ENTR1: variants seen among roughly 807,000 people sequenced by gnomAD.
ENTR1 encodes endosome-associated-trafficking regulator 1.
In ENTR1, 47 loss-of-function variants were observed where a neutral mutation model predicts 47.9. The ratio of observed to expected loss-of-function variants is 0.98; its 90% CI spans 0.78 to 1.25. The LOEUF (loss-of-function observed/expected upper bound fraction) is 1.25, where lower values mean the gene tolerates loss of function less well. Ranked by LOEUF, ENTR1 falls within the 50% of genes most tolerant of loss-of-function variation. The pLI, the probability that ENTR1 is intolerant of heterozygous loss-of-function variation, is 0.00. For synonymous variants in ENTR1, 290 were observed against 245.8 expected (o/e 1.18, Z -1.68); for missense variants, 668 against 570.5 (o/e 1.17, Z -1.74).
At chr9:136,406,134 G>A (rs1443915821) in intron 5 of ENTR1, among the ~76,000 whole-genome samples, 156 bp from the exon 6 acceptor site, 1 of 152,190 alleles carries the variant, frequency 6.6e-6, no homozygotes, top group Non-Finnish European at 1.5e-5. Context: ...CACAGACGGA[G>A]GCAGGCACTT....
rs531003378 is a variant in ENTR1, at chr9:136,406,905, G to A, written c.819+240C>T. 9.9e-5 allele frequency: 50 copies of A among 502,734 alleles called. No individual in the cohort carries two copies. The Admixed American group carries it at 1.8e-3, about 18-fold the overall frequency. The allele number at this position is 502,734 out of a possible 1,614,324, so 31.1% of individuals were successfully genotyped here. ...CTGCCTTTACTGAGGGTACAGCCCT[G>A]TAAGTGCCCAACTGCATCCAATTCA... is the stretch of plus-strand genomic sequence containing the variant. On this transcript the variant is annotated intron_variant, in intron 5 of 9. Transcript: ENST00000357365.
In ENTR1 at chr9:136,410,489, C is replaced by G; in HGVS notation, c.-92G>C. The G allele has an allele frequency of 1.1e-6, 1 of 947,282 alleles. No individual in the cohort carries two copies. The highest frequency in any genetic ancestry group is 4.8e-4 in the Middle Eastern group (1 of 2,064). The allele number at this position is 947,282 out of a possible 1,614,324, so 58.7% of individuals were successfully genotyped here. A position where few individuals can be genotyped will look rare whatever the true frequency, so the allele number is the denominator to read the frequency against. On this transcript the variant is annotated 5_prime_UTR_variant, in exon 1 of 10. Coordinates refer to ENST00000357365, the MANE Select transcript of ENTR1 (RefSeq NM_001039707.2). The stretch of plus-strand genomic sequence containing the variant: ...CCCGTGCCGCGGCCCGCGTCGCCCG[C>G]CCCCGTCGCCCGCCCCCGTCGCCCG...
chr9:136,404,874 C>T, intron 7 of ENTR1, 181 bp from the exon 8 acceptor site: 1 of 684,412 alleles, frequency 1.5e-6, no homozygotes, highest in Non-Finnish European at 2.5e-6. Flanking sequence ...GCTCATCGTG[C>T]AGTGTCTGTG....
At position 136,407,905 on chromosome 9, in the gene ENTR1, G is replaced by A. The variant is rs777890644; in HGVS notation, c.323C>T (p.Pro108Leu). ...CTTCAGAAACTCTCTAAAAGAGAAT[G>A]GATTTGCCTCTTCCAGATCTTCAAA... Reference protein sequence around the residue: ...DRFEDLEEANPFSFREFLKTK... With the variant: ...DRFEDLEEANLFSFREFLKTK... Residue 108 changes from proline to leucine, a missense_variant, in exon 4 of 10, where the codon CCA becomes CTA. Physicochemically the swap from Pro to Leu is moderately conservative, Grantham distance 98. Coordinates refer to ENST00000357365, the MANE Select transcript of ENTR1 (RefSeq NM_001039707.2). 41 of 1,611,984 alleles carry A rather than the reference G, an allele frequency of 2.5e-5. No individual in the cohort carries two copies. Among genetic ancestry groups the A allele is most frequent in the Non-Finnish European group, 3.1e-5 (37 of 1,178,242 alleles).
At chr9:136,403,163 T>C (rs929718157) in intron 9 of ENTR1, among the ~76,000 whole-genome samples, 1 of 4,430 alleles carries the variant, frequency 2.3e-4, no homozygotes, top group Non-Finnish European at 4.5e-4. Context: ...ATTCCGGGGG[T>C]GGGGGTGGGG....
At chr9:136,408,861 C>T (rs868558233) in intron 3 of ENTR1, 138 bp downstream of exon 3, 2 of 654,806 alleles carry the variant, frequency 3.1e-6, no homozygotes, top group East Asian at 2.9e-5. Flanking sequence ...CAAGACTGAA[C>T]CCTTGAAATC....
chr9:136,408,302 A>G (rs1280381641), intron 3 of ENTR1, among the ~76,000 whole-genome samples: 3 of 145,734 alleles, frequency 2.1e-5, no homozygotes, highest in Non-Finnish European at 3.0e-5. Context: ...TCAGGTGGCC[A>G]GGTGTGGTGG....
At chr9:136,404,444 C>A (rs546128422) in intron 8 of ENTR1, among the ~76,000 whole-genome samples, 187 bp downstream of exon 8, 13 of 152,352 alleles carry the variant, frequency 8.5e-5, no homozygotes, top group African/African-American at 2.4e-4. Context: ...CCCAAACTCC[C>A]AACAGAGCTC....
At chr9:136,407,634 C>A (rs1834844894) in intron 4 of ENTR1, 73 bp from the exon 5 acceptor site, 1 of 1,488,894 alleles carries the variant, frequency 6.7e-7, no homozygotes, top group South Asian at 1.4e-5. Context: ...TTTCTGTGTT[C>A]TGCCTCGCAA....
chr9:136,405,287 C>T (rs943302206), intron 6 of ENTR1, 85 bp from the exon 7 acceptor site: 3 of 1,079,030 alleles, frequency 2.8e-6, no homozygotes, highest in Non-Finnish European at 4.2e-6. Context: ...CCAGATAAAA[C>T]CCGCTAAGAG....
At position 136,405,138 on chromosome 9, in the gene ENTR1, G is replaced by A. The variant is rs1007869910; in HGVS notation, c.958C>T (p.Leu320=). The A allele has an allele frequency of 4.3e-6, 7 of 1,613,942 alleles. No homozygotes were observed. Among genetic ancestry groups the A allele is most frequent in the South Asian group, 1.1e-5 (1 of 91,076 alleles). ...TCCACCTGCTGAACCACCGACTCCA[G>A]GTCGTGGTAGTCGCTTTCCTCCTTG... ...MIKEESDYHD[L]ESVVQQVEQN... Residue 320 remains leucine (L), a synonymous_variant, in exon 7 of 10, where the codon CTG becomes TTG. Coordinates refer to ENST00000357365, the MANE Select transcript of ENTR1 (RefSeq NM_001039707.2).
Position 136,405,983 on chromosome 9 carries a change from G to A in ENTR1, c.820-5C>T, listed in dbSNP as rs776447459. The A allele has an allele frequency of 2.5e-6, 4 of 1,604,774 alleles. No homozygotes were observed. The highest frequency in any genetic ancestry group is 3.4e-6 in the Non-Finnish European group (4 of 1,175,614). On this transcript the variant is annotated splice_polypyrimidine_tract_variant and splice_region_variant and intron_variant, in intron 5 of 9. Transcript: ENST00000357365. Reference sequence around the variant, plus strand: ...CTTAGAATTTTCATCTTTCAGCTGTGGAGAGAGAACATCCTTATTAGAAAG... The same window carrying A: ...CTTAGAATTTTCATCTTTCAGCTGTAGAGAGAGAACATCCTTATTAGAAAG...
rs1834751368 is a variant in ENTR1, at chr9:136,406,083, G to A, written c.820-105C>T. 8.2e-6 allele frequency: 6 copies of A among 732,566 alleles called. No individual in the cohort carries two copies. In the East Asian group the frequency reaches 1.1e-4, roughly 14 times the overall value. The allele number at this position is 732,566 out of a possible 1,614,324, so 45.4% of individuals were successfully genotyped here. A position where few individuals can be genotyped will look rare whatever the true frequency, so the allele number is the denominator to read the frequency against. On this transcript the variant is annotated intron_variant, in intron 5 of 9. Transcript: ENST00000357365. The stretch of plus-strand genomic sequence containing the variant: ...AGCCTCCTGATAAGCAGAGATGCTG[G>A]GTCAGTGCAGCATCCACCTGCAGCC...
chr9:136,408,025 G>T, intron 3 of ENTR1, 87 bp from the exon 4 acceptor site: 1 of 839,862 alleles, frequency 1.2e-6, no homozygotes. Context: ...TCCAGAGCAT[G>T]GCCACATGTG....
chr9:136,403,933 T>C, intron 9 of ENTR1, 122 bp downstream of exon 9: 3 of 1,207,898 alleles, frequency 2.5e-6, no homozygotes, highest in Non-Finnish European at 3.5e-6. Flanking sequence ...CGTCCCTCCC[T>C]GCAGCTCCCT....
In ENTR1 at chr9:136,410,409, C is replaced by CGGCGGGGCACGACCTGCCT. The variant is rs1835047257; in HGVS notation, c.-31_-13dup. The stretch of plus-strand genomic sequence containing the variant: ...TGGTAGCCCGACATCGCCGCCGGCC[C>CGGCGGGGCACGACCTGCCT]GGCGGGGCACGACCTGCCTAGCCCG... On this transcript the variant is annotated 5_prime_UTR_variant, in exon 1 of 10. Transcript: ENST00000357365. The CGGCGGGGCACGACCTGCCT allele has an allele frequency of 1.5e-6, 2 of 1,353,710 alleles. No homozygotes were observed. Among genetic ancestry groups the CGGCGGGGCACGACCTGCCT allele is most frequent in the African/African-American group, 1.6e-5 (1 of 64,260 alleles). The allele number at this position is 1,353,710 out of a possible 1,614,324, so 83.9% of individuals were successfully genotyped here.
At chr9:136,403,241 T>C (rs906434736) in intron 9 of ENTR1, among the ~76,000 whole-genome samples, 1 of 100,318 alleles carries the variant, frequency 1.0e-5, no homozygotes, top group East Asian at 2.9e-4. Context: ...GGGAGAAAGG[T>C]AAGGGGTTCC....
intron 3 of ENTR1, among the ~76,000 whole-genome samples, chr9:136,408,706 C>T (rs1834905518): frequency 6.6e-6 from 1 of 152,292 alleles, no homozygotes; most frequent in Non-Finnish European, 1.5e-5. Flanking sequence ...TCCCTCTTGC[C>T]ACCGCCTTCC....
intron 2 of ENTR1, chr9:136,409,750 C>T (rs537437260): frequency 4.9e-6 from 2 of 408,590 alleles, no homozygotes; most frequent in South Asian, 4.0e-5. Flanking sequence ...CTGGCCACTG[C>T]CCGGCTGTGG....
Sources: gnomAD v4.1 joint callset for allele counts (sites outside exome capture counted in the v4.1 genomes callset) on GRCh38, gnomAD v4.1.1 for gene constraint, MANE v1.5 for transcripts, NCBI Gene and HGNC (gene_info 2026-07-23, HGNC 2026-07-21) for gene names.